Variants in ZNF644 observed in about 807,000 individuals in gnomAD.
The protein encoded by ZNF644 is zinc finger motif enhancer binding protein 2.
ZNF644 carries 20 observed loss-of-function variants against 108.0 expected under a neutral mutation model. The ratio of observed to expected loss-of-function variants is 0.19; its 90% CI spans 0.13 to 0.27. ZNF644 has a LOEUF of 0.27. ZNF644 is among the 10% of genes least tolerant of loss of function. The pLI is 1.00. For missense variants in ZNF644, 1,338 were observed against 1,548.9 expected (o/e 0.86, Z 2.29); for synonymous variants, 542 against 539.1 (o/e 1.01, Z -0.08).
At chr1:90,980,418 T>C (rs1159076577) in intron 2 of ZNF644, among the ~76,000 whole-genome samples, 2 of 152,222 alleles carry the variant, frequency 1.3e-5, no homozygotes, top group Admixed American at 6.5e-5. Context: ...CTGGCATAGC[T>C]ACGGTGAGAT....
rs564156041 is a variant in ZNF644 at position 90,944,484 on chromosome 1, A to G, written c.45-3175T>C. ...AATGAAAGTTTTCCTTCACATCCAC[A>G]TAATAAAATATGGCTTACTTACCCC... On this transcript the variant is annotated intron_variant, in intron 2 of 5. Transcript: ENST00000337393. Among the ~76,000 whole-genome samples the G allele has an allele frequency of 5.9e-5, 9 of 152,338 alleles. No individual in the cohort carries two copies. The South Asian group carries it at 1.7e-3, about 28-fold the overall frequency.
At chr1:90,964,883 T>C (rs1196952697) in intron 2 of ZNF644, among the ~76,000 whole-genome samples, 1 of 152,190 alleles carries the variant, frequency 6.6e-6, no homozygotes, top group Non-Finnish European at 1.5e-5. Flanking sequence ...CAAGGAACTA[T>C]TATATAATGC....
At chr1:90,983,565 C>T (rs1372385882) in intron 1 of ZNF644, among the ~76,000 whole-genome samples, 1 of 150,730 alleles carries the variant, frequency 6.6e-6, no homozygotes, top group Non-Finnish European at 1.5e-5. Context: ...TCCGAATTAT[C>T]TGGGTGGACC....
intron 2 of ZNF644, among the ~76,000 whole-genome samples, chr1:90,978,836 T>TAAA (rs74910043): frequency 2.2e-5 from 3 of 137,424 alleles, no homozygotes; most frequent in Non-Finnish European, 4.8e-5. Context: ...AATCAGGATT[T>TAAA]AAAAAAAAAA....
intron 2 of ZNF644, among the ~76,000 whole-genome samples, chr1:90,947,652 A>G (rs1652662638): frequency 6.6e-6 from 1 of 152,156 alleles, no homozygotes. Flanking sequence ...ATCATATCTA[A>G]TAAATTCAAG....
chr1:90,918,765 A>C (rs1417184574), intron 4 of ZNF644, among the ~76,000 whole-genome samples: 1 of 152,108 alleles, frequency 6.6e-6, no homozygotes, highest in Non-Finnish European at 1.5e-5. Context: ...AGGACAAAAA[A>C]AGCTCAACTT....
intron 2 of ZNF644, among the ~76,000 whole-genome samples, chr1:90,975,483 G>A (rs1224067532): frequency 2.7e-5 from 4 of 149,998 alleles, no homozygotes; most frequent in Non-Finnish European, 5.9e-5. Flanking sequence ...TGTCTCCCAG[G>A]CTGGAGCGCA....
intron 4 of ZNF644, among the ~76,000 whole-genome samples, chr1:90,919,739 C>G (rs538993759): frequency 1.3e-5 from 2 of 151,938 alleles, no homozygotes; most frequent in African/African-American, 4.8e-5. Flanking sequence ...TCAAGAGCCT[C>G]GCATGTAGTA....
chr1:90,989,028 A>G (rs778115794), intron 1 of ZNF644, among the ~76,000 whole-genome samples: 24 of 152,340 alleles, frequency 1.6e-4, no homozygotes, highest in Non-Finnish European at 2.6e-4. Context: ...ATGGAATTAC[A>G]TTAAAAGTTA....
At chr1:90,943,919 A>G (rs1335233654) in intron 2 of ZNF644, among the ~76,000 whole-genome samples, 2 of 152,226 alleles carry the variant, frequency 1.3e-5, no homozygotes, top group Non-Finnish European at 2.9e-5. Flanking sequence ...CAACAATCTC[A>G]TAAATCTGAA....
rs772087572 is a variant in ZNF644, at chr1:90,940,069, T to G, written c.1285A>C (p.Met429Leu). The G allele has an allele frequency of 1.2e-6, 2 of 1,614,122 alleles. No individual in the cohort carries two copies. Among genetic ancestry groups the G allele is most frequent in the Non-Finnish European group, 8.5e-7 (1 of 1,179,966 alleles). The change falls in exon 3 of 6, where the codon ATG (methionine) becomes CTG (leucine). Residue 429 changes from methionine to leucine, a missense_variant. Physicochemically the swap from Met to Leu is conservative, Grantham distance 15. This residue lies in a region of ZNF644 where 80 missense variants were observed against 183.0 expected (regional missense o/e 0.44). Transcript: ENST00000337393. Reference sequence around the variant, plus strand: ...CTATTCCCATCTAAATGATACATCATATGCCTGTGGAGGTGCTTCTTCTCC... The same window carrying G: ...CTATTCCCATCTAAATGATACATCAGATGCCTGTGGAGGTGCTTCTTCTCC... ...FREKKHLHRH[M>L]MYHLDGNSHF...
chr1:90,950,954 A>G (rs1400000065), intron 2 of ZNF644, among the ~76,000 whole-genome samples: 2 of 152,160 alleles, frequency 1.3e-5, no homozygotes, highest in Non-Finnish European at 2.9e-5. Flanking sequence ...ACTGTACAAA[A>G]GAAAGGTTCC....
intron 4 of ZNF644, among the ~76,000 whole-genome samples, chr1:90,920,591 A>T (rs1329547707): frequency 6.6e-6 from 1 of 152,074 alleles, no homozygotes; most frequent in Non-Finnish European, 1.5e-5. Context: ...TGGACTGTGG[A>T]AACTCTTAAG....
chr1:90,954,062 A>G (rs773584203), intron 2 of ZNF644, among the ~76,000 whole-genome samples: 2 of 152,282 alleles, frequency 1.3e-5, no homozygotes, highest in East Asian at 3.9e-4. Flanking sequence ...CAGATGCTGA[A>G]GGTTGGGGTG....
chr1:90,937,368 A>C, intron 4 of ZNF644, 117 bp downstream of exon 4: 1 of 1,466,796 alleles, frequency 6.8e-7, no homozygotes, highest in Non-Finnish European at 9.4e-7. Flanking sequence ...TGTAAAAAAA[A>C]AAAGCAGCTT....
intron 1 of ZNF644, among the ~76,000 whole-genome samples, chr1:91,002,056 A>G (rs754414706): frequency 1.6e-4 from 25 of 152,228 alleles, no homozygotes; most frequent in Non-Finnish European, 3.4e-4. Context: ...AGAACATTCC[A>G]TGCTCATGGA....
At chr1:90,998,037 A>G (rs1337043953) in intron 1 of ZNF644, among the ~76,000 whole-genome samples, 1 of 152,194 alleles carries the variant, frequency 6.6e-6, no homozygotes, top group Admixed American at 6.5e-5. Flanking sequence ...GTAGGTAAAC[A>G]AAGCGGCCAG....
At chr1:90,998,435 G>T (rs1229677715) in intron 1 of ZNF644, among the ~76,000 whole-genome samples, 1 of 152,184 alleles carries the variant, frequency 6.6e-6, no homozygotes, top group Non-Finnish European at 1.5e-5. Context: ...AGGCAAACAG[G>T]GTCTGGAGTG....
intron 1 of ZNF644, among the ~76,000 whole-genome samples, chr1:91,002,215 C>T (rs1658917958): frequency 6.6e-6 from 1 of 152,200 alleles, no homozygotes. Flanking sequence ...GAGCCCGCAT[C>T]GCCAAGTCAA....
Sources: gnomAD v4.1 joint callset for allele counts (sites outside exome capture counted in the v4.1 genomes callset) on GRCh38, gnomAD v4.1.1 for gene constraint, gnomAD v4.1.1 regional missense constraint, MANE v1.5 for transcripts, NCBI Gene and HGNC (gene_info 2026-07-23, HGNC 2026-07-21) for gene names.